LRP1B: variants seen among roughly 807,000 people sequenced by gnomAD.
The protein encoded by LRP1B is low-density lipoprotein receptor-related protein 1B.
LRP1B carries 217 observed loss-of-function variants against 556.6 expected under a neutral mutation model. The ratio of observed to expected loss-of-function variants is 0.39; its 90% confidence interval spans 0.35 to 0.44. The LOEUF is 0.44. Among genes scored for constraint, LRP1B ranks in the 20% least tolerant of loss-of-function variants. The probability of loss-of-function intolerance (pLI) is 1.00; values close to 1 mark genes in which losing one functional copy is unlikely to be tolerated. For synonymous variants in LRP1B, 2,047 were observed against 1,865.8 expected, an observed-to-expected ratio of 1.10 and a Z score of -2.50; for missense variants, 5,053 against 5,620.8, an observed-to-expected ratio of 0.90 and a Z score of 3.23.
rs112660062 is a variant in LRP1B, at chr2:140,590,249, T to C, written c.7194+8382A>G. Among the ~76,000 whole-genome samples the C allele has an allele frequency of 5.0e-3, 637 of 126,836 alleles. 10 individuals are homozygous for C. Among genetic ancestry groups the C allele is most frequent in the African/African-American group, 0.017 (593 of 34,572 alleles). 83.2% of individuals were successfully genotyped at this position (126,836 alleles called of 152,430 possible). A position where few individuals can be genotyped will look rare whatever the true frequency, so the allele number is the denominator to read the frequency against. ...GAATTTTTAAATGTGTATATATATA[T>C]ACATAATATATAATGTATATATGTA... On this transcript the variant is annotated intron_variant, in intron 43 of 90. Coordinates refer to ENST00000389484, the MANE Select transcript of LRP1B (RefSeq NM_018557.3).
chr2:142,055,939 T>C (rs1704651926), intron 1 of LRP1B, among the ~76,000 whole-genome samples: 1 of 152,062 alleles, frequency 6.6e-6, no homozygotes. Context: ...TCACCTGAGG[T>C]CAGGAGTTCA....
At chr2:140,881,406 T>A (rs1014318138) in intron 25 of LRP1B, among the ~76,000 whole-genome samples, 1 of 152,094 alleles carries the variant, frequency 6.6e-6, no homozygotes, top group Non-Finnish European at 1.5e-5. Context: ...TCACATTACA[T>A]TATTAAATCT....
chr2:141,299,365 G>T (rs1686303034), intron 3 of LRP1B, among the ~76,000 whole-genome samples: 1 of 152,132 alleles, frequency 6.6e-6, no homozygotes, highest in Non-Finnish European at 1.5e-5. Context: ...AAGAATTTTT[G>T]ATTGTTGTAA....
chr2:140,650,950 G>A (rs546002784), intron 41 of LRP1B, among the ~76,000 whole-genome samples: 24 of 152,110 alleles, frequency 1.6e-4, no homozygotes, highest in African/African-American at 5.3e-4. Context: ...AGTGAAAGAT[G>A]GCATGTATTG....
chr2:141,021,898 T>C (rs901268207), intron 11 of LRP1B, among the ~76,000 whole-genome samples: 2 of 151,990 alleles, frequency 1.3e-5, no homozygotes, highest in Non-Finnish European at 2.9e-5. Flanking sequence ...GCATATTTCC[T>C]GGAATACAGT....
At chr2:140,903,289 C>A (rs1043362576) in intron 22 of LRP1B, 124 bp from the exon 23 acceptor site, 1 of 1,116,380 alleles carries the variant, frequency 9.0e-7, no homozygotes, top group African/African-American at 1.6e-5. Context: ...TATAAGAAAG[C>A]CCTCTTTGGC....
intron 4 of LRP1B, among the ~76,000 whole-genome samples, chr2:141,251,104 G>A (rs973462355): frequency 6.6e-6 from 1 of 152,072 alleles, no homozygotes. Context: ...TGAGGGGTAT[G>A]GGGTGGAGAA....
chr2:141,475,832 CT>C (rs1682685032), intron 3 of LRP1B, among the ~76,000 whole-genome samples: 1 of 152,060 alleles, frequency 6.6e-6, no homozygotes. Context: ...CACACCATCC[CT>C]TTTCCAGCTT....
chr2:141,424,542 C>G (rs7607894), intron 3 of LRP1B, among the ~76,000 whole-genome samples: 131,337 of 152,242 alleles, frequency 0.86, 56,878 homozygotes, highest in East Asian at 1. Flanking sequence ...TACCCATTCA[C>G]ATTTGAAAGG....
intron 66 of LRP1B, among the ~76,000 whole-genome samples, chr2:140,431,669 C>CTT: frequency 6.6e-6 from 1 of 152,298 alleles, no homozygotes; most frequent in East Asian, 1.9e-4. Flanking sequence ...CCTCCCAATT[C>CTT]TTAGGCCTTT....
chr2:140,925,288 T>G (rs1694854394), intron 20 of LRP1B, among the ~76,000 whole-genome samples: 1 of 152,084 alleles, frequency 6.6e-6, no homozygotes, highest in African/African-American at 2.4e-5. Flanking sequence ...AACAAGATAT[T>G]GTGAAGTCTT....
intron 1 of LRP1B, among the ~76,000 whole-genome samples, chr2:142,117,976 A>G (rs1707331979): frequency 6.6e-6 from 1 of 152,182 alleles, no homozygotes; most frequent in African/African-American, 2.4e-5. Context: ...TGATGAGCAT[A>G]GAAATTTAAG....
intron 3 of LRP1B, among the ~76,000 whole-genome samples, chr2:141,349,272 A>G (rs1688364051): frequency 6.6e-6 from 1 of 152,090 alleles, no homozygotes; most frequent in Admixed American, 6.6e-5. Flanking sequence ...CGCAAAAATG[A>G]AAATGTGTGA....
At chr2:140,471,162 C>T (rs1330520704) in intron 60 of LRP1B, among the ~76,000 whole-genome samples, 3 of 152,106 alleles carry the variant, frequency 2.0e-5, no homozygotes, top group Non-Finnish European at 1.5e-5. Context: ...CTCAAATTGC[C>T]AAGTCTCTCA....
At chr2:141,062,567 G>A (rs1699365372) in intron 7 of LRP1B, among the ~76,000 whole-genome samples, 1 of 151,768 alleles carries the variant, frequency 6.6e-6, no homozygotes, top group African/African-American at 2.4e-5. Context: ...TCATGGAGCT[G>A]AAGCACATCA....
intron 2 of LRP1B, among the ~76,000 whole-genome samples, chr2:141,548,030 T>C (rs568374314): frequency 9.8e-5 from 15 of 152,306 alleles, no homozygotes; most frequent in African/African-American, 3.4e-4. Flanking sequence ...ATATTTGCTG[T>C]ATGTCTTGAA....
At chr2:140,672,445 T>C (rs889162837) in intron 41 of LRP1B, among the ~76,000 whole-genome samples, 2 of 141,106 alleles carry the variant, frequency 1.4e-5, no homozygotes, top group Non-Finnish European at 3.0e-5. Context: ...AATCGCACCA[T>C]TGCACTCCAG....
chr2:140,605,509 T>A (rs1235109312), intron 41 of LRP1B, among the ~76,000 whole-genome samples: 1 of 152,118 alleles, frequency 6.6e-6, no homozygotes, highest in African/African-American at 2.4e-5. Flanking sequence ...AAGTTCTGTT[T>A]CTTTTATTTT....
At chr2:141,258,768 T>G (rs1364551323) in intron 3 of LRP1B, among the ~76,000 whole-genome samples, 1 of 152,068 alleles carries the variant, frequency 6.6e-6, no homozygotes, top group African/African-American at 2.4e-5. Flanking sequence ...TGTGTAGAAC[T>G]TGCCCCTTCA....
Sources: allele counts gnomAD v4.1 joint callset (sites outside exome capture counted in the v4.1 genomes callset), GRCh38; gene constraint gnomAD v4.1.1; transcripts MANE v1.5; gene names NCBI Gene and HGNC (gene_info 2026-07-23, HGNC 2026-07-21).